ASH1L: variants seen among roughly 807,000 people sequenced by gnomAD.
ASH1L encodes the protein ASH1 like histone lysine methyltransferase.
In ASH1L, 23 loss-of-function variants were observed where a neutral mutation model predicts 269.0. The ratio of observed to expected loss-of-function variants is 0.09; its 90% CI spans 0.06 to 0.12. The LOEUF (loss-of-function observed/expected upper bound fraction) is 0.12. Among genes scored for constraint, ASH1L ranks in the 10% least tolerant of loss-of-function variants. The pLI, the probability that ASH1L is intolerant of heterozygous loss-of-function variation, is 1.00. For missense variants in ASH1L, 2,912 were observed against 3,567.8 expected (o/e 0.82, Z 4.68); for synonymous variants, 1,187 against 1,253.5 (o/e 0.95, Z 1.12).
chr1:155,361,494 G>C (rs1450293120), intron 12 of ASH1L, among the ~76,000 whole-genome samples: 2 of 129,440 alleles, frequency 1.5e-5, no homozygotes, highest in African/African-American at 6.2e-5. Flanking sequence ...TCCAGCCTGG[G>C]TGACAGAGTG....
chr1:155,551,148 T>C (rs1463785249), intron 1 of ASH1L, among the ~76,000 whole-genome samples: 8 of 152,188 alleles, frequency 5.3e-5, no homozygotes, highest in Admixed American at 5.2e-4. Flanking sequence ...TTTTTTGTTT[T>C]GTTTTTCACT....
At position 155,562,328 on chromosome 1, in the gene ASH1L, G is replaced by A. The variant is rs1558229316; in HGVS notation, c.-275C>T. On this transcript the variant is annotated 5_prime_UTR_variant, in exon 1 of 28. Transcript: ENST00000392403. ...AAATGCGAGAGAGGAGAAGGGAAAG[G>A]TGGAAGGCTAAAGGGGGCAAACTGA... 1.8e-5 allele frequency: 28 copies of A among 1,573,508 alleles called. No homozygotes were observed. The highest frequency in any genetic ancestry group is 2.4e-5 in the Non-Finnish European group (28 of 1,148,628).
intron 6 of ASH1L, 67 bp from the exon 7 acceptor site, chr1:155,395,620 A>AT (rs1553251300): frequency 2.7e-6 from 3 of 1,093,654 alleles, no homozygotes; most frequent in Non-Finnish European, 4.0e-6. Context: ...TCAAATACAG[A>AT]TAACAGATCA....
At chr1:155,489,210 C>T (rs1343269330) in intron 2 of ASH1L, among the ~76,000 whole-genome samples, 1 of 152,098 alleles carries the variant, frequency 6.6e-6, no homozygotes, top group Non-Finnish European at 1.5e-5. Context: ...CGGTGGCTCA[C>T]ACCTGTAATC....
rs200512672 is a variant in ASH1L at position 155,370,879 on chromosome 1, C to T, written c.6437G>A (p.Arg2146Gln). Residue 2146 changes from arginine (R) to glutamine (Q), a missense_variant, in exon 11 of 28, where the codon CGA becomes CAA. Arg to Gln is a conservative substitution (Grantham distance 43). Coordinates refer to ENST00000392403, the MANE Select transcript of ASH1L (RefSeq NM_018489.3). Reference protein sequence around the residue: ...HEWVQCLERFRAEEKGWGIRT... With the variant: ...HEWVQCLERFQAEEKGWGIRT... ...GATTCCCCAACCTTTTTCCTCAGCT[C>T]GAAATCGTTCTAGACATTGCACCCA... The T allele has an allele frequency of 1.2e-4, 189 of 1,614,088 alleles. No homozygotes were observed. Among genetic ancestry groups the T allele is most frequent in the Non-Finnish European group, 3.6e-5 (43 of 1,180,030 alleles).
At chr1:155,440,194 T>C (rs1662441981) in intron 4 of ASH1L, among the ~76,000 whole-genome samples, 1 of 151,956 alleles carries the variant, frequency 6.6e-6, no homozygotes. Flanking sequence ...CGTAGTCCTA[T>C]CTACTCAGGA....
intron 25 of ASH1L, among the ~76,000 whole-genome samples, chr1:155,340,851 C>T (rs1280672257): frequency 2.0e-5 from 3 of 150,072 alleles, no homozygotes; most frequent in Non-Finnish European, 4.4e-5. Context: ...CTTACTGTAA[C>T]CTCAAACTCC....
At chr1:155,368,917 A>G (rs1199982166) in intron 12 of ASH1L, among the ~76,000 whole-genome samples, 1 of 152,242 alleles carries the variant, frequency 6.6e-6, no homozygotes, top group East Asian at 1.9e-4. Flanking sequence ...CTGCAAAAAC[A>G]TGTTTTTAAC....
chr1:155,352,666 A>C, intron 17 of ASH1L, 40 bp downstream of exon 17: 1 of 1,547,754 alleles, frequency 6.5e-7, no homozygotes, highest in Non-Finnish European at 8.7e-7. Context: ...AAGAAAAAGA[A>C]AAAGAAAAAA....
At chr1:155,557,473 G>A (rs918682466) in intron 1 of ASH1L, among the ~76,000 whole-genome samples, 6 of 151,710 alleles carry the variant, frequency 4.0e-5, no homozygotes, top group Non-Finnish European at 7.4e-5. Context: ...GTAGAGACAG[G>A]GTTTCACCAT....
chr1:155,517,357 G>C, intron 2 of ASH1L, among the ~76,000 whole-genome samples: 1 of 152,070 alleles, frequency 6.6e-6, no homozygotes, highest in East Asian at 1.9e-4. Flanking sequence ...GGAAGGGCAC[G>C]GTGGCTCACA....
intron 5 of ASH1L, among the ~76,000 whole-genome samples, chr1:155,428,125 C>A (rs1263101382): frequency 3.3e-5 from 5 of 152,118 alleles, no homozygotes. Context: ...GTATTTATAG[C>A]AATGTGAGAA....
chr1:155,397,823 A>T (rs1658494386), intron 6 of ASH1L, among the ~76,000 whole-genome samples: 1 of 152,156 alleles, frequency 6.6e-6, no homozygotes, highest in South Asian at 2.1e-4. Context: ...CAGCTCCCAA[A>T]GTCTTGGGAT....
chr1:155,466,215 G>C (rs559994724), intron 3 of ASH1L, among the ~76,000 whole-genome samples: 2 of 152,042 alleles, frequency 1.3e-5, no homozygotes, highest in South Asian at 2.1e-4. Flanking sequence ...TTAGCCAGGC[G>C]TGGTGGCGGG....
At chr1:155,545,086 C>T (rs1053270451) in intron 1 of ASH1L, among the ~76,000 whole-genome samples, 12 of 139,412 alleles carry the variant, frequency 8.6e-5, no homozygotes, top group Admixed American at 5.6e-4. Context: ...GCAGGAGAAT[C>T]GCTTGAACCC....
intron 1 of ASH1L, among the ~76,000 whole-genome samples, chr1:155,546,586 A>T (rs1670840238): frequency 6.6e-6 from 1 of 151,972 alleles, no homozygotes; most frequent in Non-Finnish European, 1.5e-5. Context: ...CGGTGAAACC[A>T]GTCTCTACTG....
chr1:155,415,950 T>G, intron 5 of ASH1L, 27 bp from the exon 6 acceptor site: 3 of 1,454,262 alleles, frequency 2.1e-6, no homozygotes, highest in Non-Finnish European at 2.7e-6. Flanking sequence ...AAAGATAATT[T>G]TATTATGAAA....
intron 2 of ASH1L, among the ~76,000 whole-genome samples, chr1:155,494,206 G>T (rs1666998375): frequency 6.6e-6 from 1 of 152,162 alleles, no homozygotes; most frequent in African/African-American, 2.4e-5. Context: ...ATCCATGTAG[G>T]TATGTGGGAA....
chr1:155,533,704 C>T (rs1019128774), intron 1 of ASH1L, among the ~76,000 whole-genome samples: 1 of 147,312 alleles, frequency 6.8e-6, no homozygotes, highest in Non-Finnish European at 1.5e-5. Context: ...GATGACAGAG[C>T]GAGACTCCGT....
Sources: allele counts gnomAD v4.1 joint callset (sites outside exome capture counted in the v4.1 genomes callset), GRCh38; gene constraint gnomAD v4.1.1; transcripts MANE v1.5; gene names NCBI Gene and HGNC (gene_info 2026-07-23, HGNC 2026-07-21).